DNER: variants seen among roughly 807,000 people sequenced by gnomAD.
The protein encoded by DNER is delta and Notch-like epidermal growth factor-related receptor.
A neutral mutation model predicts 78.2 loss-of-function variants in DNER; 33 were observed. That is an observed-to-expected ratio of 0.42 (90% CI 0.32 to 0.56). The LOEUF is 0.56. Among genes scored for constraint, DNER ranks in the 20% least tolerant of loss-of-function variants. The probability of loss-of-function intolerance (pLI) is 0.11; values close to 1 mark genes in which losing one functional copy is unlikely to be tolerated. For synonymous variants in DNER, 417 were observed against 384.8 expected, an observed-to-expected ratio of 1.08 and a Z score of -0.98; for missense variants, 918 against 975.3, an observed-to-expected ratio of 0.94 and a Z score of 0.78.
intron 5 of DNER, among the ~76,000 whole-genome samples, chr2:229,532,909 C>T (rs1696332225): frequency 6.6e-6 from 1 of 152,092 alleles, no homozygotes; most frequent in Admixed American, 6.5e-5. Flanking sequence ...ATAAGGGAGA[C>T]AGTTGCTGAT....
intron 1 of DNER, among the ~76,000 whole-genome samples, chr2:229,680,621 A>C (rs1699370685): frequency 6.6e-6 from 1 of 152,264 alleles, no homozygotes; most frequent in Non-Finnish European, 1.5e-5. Flanking sequence ...AAAAGCAGGC[A>C]AGCAAGCTCT....
chr2:229,590,522 C>T (rs1265997113), intron 2 of DNER, among the ~76,000 whole-genome samples: 3 of 152,112 alleles, frequency 2.0e-5, no homozygotes, highest in African/African-American at 7.2e-5. Flanking sequence ...CCTCTAAATT[C>T]ATGGGTGAAA....
intron 1 of DNER, among the ~76,000 whole-genome samples, chr2:229,671,462 C>T (rs540358673): frequency 4.6e-5 from 7 of 152,246 alleles, no homozygotes; most frequent in South Asian, 4.2e-4. Context: ...TTTAATTGTC[C>T]GCACAGCACT....
chr2:229,373,327 C>CA (rs775551518), intron 11 of DNER, among the ~76,000 whole-genome samples: 30 of 151,878 alleles, frequency 2.0e-4, no homozygotes, highest in Admixed American at 1.1e-3. Flanking sequence ...TGTAAGTGGC[C>CA]AACAAACATG....
chr2:229,678,269 G>A lies in DNER; in HGVS notation c.276+35879C>T, dbSNP rs371189688. ...GTATTTCCCAACAGCTTTCCCAGTC[G>A]CTTCTCGATTCCTTCCATCACTTAG... On this transcript the variant is annotated intron_variant, in intron 1 of 12. Coordinates refer to ENST00000341772, the MANE Select transcript of DNER (RefSeq NM_139072.4). 9.9e-5 allele frequency among the ~76,000 whole-genome samples: 15 copies of A among 152,164 alleles called. No homozygotes were observed. The East Asian group carries it at 1.7e-3, about 18-fold the overall frequency.
intron 8 of DNER, 32 bp from the exon 9 acceptor site, chr2:229,418,262 ATGCATCCCATT>A: frequency 6.2e-7 from 1 of 1,613,016 alleles, no homozygotes; most frequent in Non-Finnish European, 8.5e-7. Context: ...CCACTGTCAA[ATGCATCCCATT>A]TACAACCCAC....
chr2:229,618,401 G>A (rs367836232), intron 1 of DNER, among the ~76,000 whole-genome samples: 5 of 152,258 alleles, frequency 3.3e-5, no homozygotes, highest in Middle Eastern at 3.4e-3. Flanking sequence ...AAATGGAACC[G>A]CACTACATGT....
intron 4 of DNER, among the ~76,000 whole-genome samples, chr2:229,550,316 T>C (rs936770581): frequency 7.9e-5 from 12 of 152,224 alleles, no homozygotes; most frequent in Middle Eastern, 6.8e-3. Flanking sequence ...TTTTAAATAT[T>C]GTGTAACCAA....
At chr2:229,489,034 C>A (rs1372064891) in intron 6 of DNER, among the ~76,000 whole-genome samples, 2 of 152,174 alleles carry the variant, frequency 1.3e-5, no homozygotes, top group Non-Finnish European at 2.9e-5. Flanking sequence ...CAGCTGAGAC[C>A]CAGGAAGATT....
At position 229,488,026 on chromosome 2, in the gene DNER, T is replaced by G. The variant is rs541592592; in HGVS notation, c.1148-10773A>C. Among the ~76,000 whole-genome samples, 4 of 152,310 alleles carry G rather than the reference T, an allele frequency of 2.6e-5. No individual in the cohort carries two copies. In the South Asian group the frequency reaches 8.3e-4, roughly 32 times the overall value. On this transcript the variant is annotated intron_variant, in intron 6 of 12. Transcript: ENST00000341772. Reference sequence around the variant, plus strand: ...ATGGTAACGATGTGTTGTATATTGATCTCTTCCTGTAACCACTCACCGCCA... The same window carrying G: ...ATGGTAACGATGTGTTGTATATTGAGCTCTTCCTGTAACCACTCACCGCCA...
intron 10 of DNER, among the ~76,000 whole-genome samples, chr2:229,390,727 T>C (rs1574821447): frequency 6.6e-6 from 1 of 152,242 alleles, no homozygotes; most frequent in Non-Finnish European, 1.5e-5. Context: ...TGACGCAAAT[T>C]AATGAAATAA....
At chr2:229,684,145 TGA>T (rs67820927) in intron 1 of DNER, among the ~76,000 whole-genome samples, 4,756 of 122,006 alleles carry the variant, frequency 0.039, 82 homozygotes, top group East Asian at 0.072. Context: ...TCTGTGTATG[TGA>T]GAGAGAGAGA....
intron 1 of DNER, among the ~76,000 whole-genome samples, chr2:229,671,877 C>A (rs1283269263): frequency 2.0e-5 from 3 of 152,174 alleles, no homozygotes; most frequent in Non-Finnish European, 2.9e-5. Context: ...AGAGGGAAGG[C>A]ACTGAGTGTA....
At chr2:229,538,433 C>T (rs1437759488) in intron 5 of DNER, among the ~76,000 whole-genome samples, 3 of 152,224 alleles carry the variant, frequency 2.0e-5, no homozygotes, top group African/African-American at 4.8e-5. Flanking sequence ...GGTGCAATCT[C>T]GGCTCACCAA....
chr2:229,656,971 C>T (rs189302230), intron 1 of DNER, among the ~76,000 whole-genome samples: 1 of 130,892 alleles, frequency 7.6e-6, no homozygotes, highest in Admixed American at 8.1e-5. Flanking sequence ...AAGACCATCA[C>T]ATCACAGTTA....
At chr2:229,706,863 G>A (rs957802560) in intron 1 of DNER, among the ~76,000 whole-genome samples, 9 of 152,046 alleles carry the variant, frequency 5.9e-5, no homozygotes, top group South Asian at 2.1e-4. Context: ...GGTGTAAGCC[G>A]CCACACCCGG....
At chr2:229,476,345 C>A (rs1465815881) in intron 7 of DNER, among the ~76,000 whole-genome samples, 7 of 152,134 alleles carry the variant, frequency 4.6e-5, no homozygotes, top group African/African-American at 1.7e-4. Context: ...CCTCCTGGAC[C>A]ACCGCCCTCC....
At chr2:229,679,666 C>T (rs74697902) in intron 1 of DNER, among the ~76,000 whole-genome samples, 1 of 152,200 alleles carries the variant, frequency 6.6e-6, no homozygotes, top group Admixed American at 6.5e-5. Context: ...GCCACTAATG[C>T]CTTATTCTGC....
chr2:229,605,147 C>T (rs967102551), intron 1 of DNER, among the ~76,000 whole-genome samples: 108 of 151,864 alleles, frequency 7.1e-4, no homozygotes, highest in African/African-American at 2.4e-3. Flanking sequence ...GAACAAAAAA[C>T]AGGGCTGAAA....
Sources: gnomAD v4.1 joint callset for allele counts (sites outside exome capture counted in the v4.1 genomes callset) on GRCh38, gnomAD v4.1.1 for gene constraint, MANE v1.5 for transcripts, NCBI Gene and HGNC (gene_info 2026-07-23, HGNC 2026-07-21) for gene names.